Variants in PTPRD observed in about 807,000 individuals in gnomAD.
PTPRD encodes receptor-type tyrosine-protein phosphatase delta.
A neutral mutation model predicts 214.5 loss-of-function variants in PTPRD; 34 were observed. The ratio of observed to expected loss-of-function variants is 0.16; its 90% CI spans 0.12 to 0.21. PTPRD has a LOEUF of 0.21. Ranked by LOEUF, PTPRD falls within the 10% of genes least tolerant of loss-of-function variation. The pLI, the probability that PTPRD is intolerant of heterozygous loss-of-function variation, is 1.00. For missense variants in PTPRD, 2,545 were observed against 2,398.7 expected, an observed-to-expected ratio of 1.06 and a Z score of -1.27; for synonymous variants, 1,128 against 845.7, an observed-to-expected ratio of 1.33 and a Z score of -5.79.
chr9:10,246,264 A>G (rs985074556), intron 3 of PTPRD, among the ~76,000 whole-genome samples: 1 of 152,068 alleles, frequency 6.6e-6, no homozygotes. Flanking sequence ...TTGTTTTGAG[A>G]TGGAGTTTCG....
intron 39 of PTPRD, among the ~76,000 whole-genome samples, chr9:8,361,486 C>G (rs1354652807): frequency 6.6e-6 from 1 of 152,144 alleles, no homozygotes; most frequent in Non-Finnish European, 1.5e-5. Context: ...GTCTAGGTAT[C>G]AGATTATAAC....
chr9:9,421,049 T>C (rs1014782286), intron 8 of PTPRD, among the ~76,000 whole-genome samples: 1 of 151,938 alleles, frequency 6.6e-6, no homozygotes, highest in African/African-American at 2.4e-5. Flanking sequence ...TTTACTTCCA[T>C]CTATCAGAAA....
intron 35 of PTPRD, among the ~76,000 whole-genome samples, chr9:8,427,544 C>G (rs906168072): frequency 1.3e-5 from 2 of 152,106 alleles, no homozygotes; most frequent in African/African-American, 4.8e-5. Context: ...ACCAAAACAC[C>G]TGACCCAGAG....
At chr9:9,627,123 G>A (rs10977887) in intron 7 of PTPRD, among the ~76,000 whole-genome samples, 21,605 of 152,086 alleles carry the variant, frequency 0.14, 1,980 homozygotes, top group African/African-American at 0.25. Flanking sequence ...AGACCAGCCT[G>A]GCCAACATGG....
At chr9:8,823,802 G>T (rs1191797481) in intron 11 of PTPRD, among the ~76,000 whole-genome samples, 1 of 152,156 alleles carries the variant, frequency 6.6e-6, no homozygotes, top group African/African-American at 2.4e-5. Context: ...AAGATTAACG[G>T]TGAGTTTGCA....
At chr9:8,873,912 A>C (rs1475631678) in intron 11 of PTPRD, among the ~76,000 whole-genome samples, 1 of 152,172 alleles carries the variant, frequency 6.6e-6, no homozygotes. Context: ...GCATTTGTGC[A>C]CCATTTTCTA....
At chr9:10,229,792 C>T (rs544284911) in intron 3 of PTPRD, among the ~76,000 whole-genome samples, 7 of 151,568 alleles carry the variant, frequency 4.6e-5, no homozygotes, top group East Asian at 2.0e-4. Context: ...ACATAGCACA[C>T]GTATACATAT....
chr9:8,617,352 G>A (rs946521216), intron 14 of PTPRD, among the ~76,000 whole-genome samples: 2 of 152,088 alleles, frequency 1.3e-5, no homozygotes, highest in Admixed American at 6.6e-5. Context: ...TGAGATTTGT[G>A]CACTTCTCAG....
intron 36 of PTPRD, among the ~76,000 whole-genome samples, chr9:8,394,384 A>AG (rs1276834439): frequency 1.3e-5 from 2 of 152,302 alleles, no homozygotes; most frequent in East Asian, 3.9e-4. Context: ...AGTAATCCTA[A>AG]GGGGAAGGAT....
chr9:9,758,965 G>T (rs1237524398), intron 6 of PTPRD, among the ~76,000 whole-genome samples: 1 of 152,128 alleles, frequency 6.6e-6, no homozygotes, highest in African/African-American at 2.4e-5. Context: ...TAGCAAGTAT[G>T]TTACCCAGCA....
intron 8 of PTPRD, among the ~76,000 whole-genome samples, chr9:9,397,976 C>T (rs1265445718): frequency 6.6e-6 from 1 of 151,934 alleles, no homozygotes; most frequent in East Asian, 1.9e-4. Flanking sequence ...TGGTCCTATT[C>T]TAACTGTTTA....
chr9:9,336,766 C>G (rs1435531168), intron 9 of PTPRD, among the ~76,000 whole-genome samples: 1 of 152,028 alleles, frequency 6.6e-6, no homozygotes, highest in Non-Finnish European at 1.5e-5. Flanking sequence ...TTAAAACGCC[C>G]TTGAAATTTA....
intron 14 of PTPRD, among the ~76,000 whole-genome samples, chr9:8,559,838 A>G (rs2085453382): frequency 6.6e-6 from 1 of 152,220 alleles, no homozygotes; most frequent in Non-Finnish European, 1.5e-5. Flanking sequence ...CTCAAAGAAC[A>G]TTATCAATGT....
chr9:8,558,365 C>T (rs1406954746), intron 14 of PTPRD, among the ~76,000 whole-genome samples: 1 of 152,180 alleles, frequency 6.6e-6, no homozygotes, highest in African/African-American at 2.4e-5. Flanking sequence ...TGATTCATCA[C>T]CAAGAAGCAG....
At chr9:8,847,750 G>C (rs2097727151) in intron 11 of PTPRD, among the ~76,000 whole-genome samples, 1 of 151,784 alleles carries the variant, frequency 6.6e-6, no homozygotes, top group Non-Finnish European at 1.5e-5. Context: ...TATAAAATAG[G>C]TTAAATGGAA....
chr9:8,443,571 T>C (rs2095620572), intron 34 of PTPRD, among the ~76,000 whole-genome samples: 1 of 152,206 alleles, frequency 6.6e-6, no homozygotes. Context: ...GGTCATCCAC[T>C]GAATGAAAAT....
chr9:10,168,314 T>C (rs2099172144), intron 3 of PTPRD, among the ~76,000 whole-genome samples: 2 of 151,976 alleles, frequency 1.3e-5, no homozygotes, highest in Non-Finnish European at 2.9e-5. Flanking sequence ...ATGTAAAAGA[T>C]CTGCTATTAC....
intron 2 of PTPRD, among the ~76,000 whole-genome samples, chr9:10,551,789 C>T (rs1161510420): frequency 6.6e-6 from 1 of 152,056 alleles, no homozygotes; most frequent in Non-Finnish European, 1.5e-5. Flanking sequence ...TGGGCTTTGG[C>T]AGGATCCAAG....
chr9:9,816,565 A>G (rs992421972), intron 5 of PTPRD, among the ~76,000 whole-genome samples: 6 of 152,094 alleles, frequency 3.9e-5, no homozygotes, highest in African/African-American at 1.4e-4. Context: ...AATATATTGA[A>G]CAATATAATA....
Sources: allele counts gnomAD v4.1 joint callset (sites outside exome capture counted in the v4.1 genomes callset), GRCh38; gene constraint gnomAD v4.1.1; transcripts MANE v1.5; gene names NCBI Gene and HGNC (gene_info 2026-07-23, HGNC 2026-07-21).